Variants in RGS17 observed in about 807,000 individuals in gnomAD.
RGS17 encodes the protein regulator of G-protein signaling 17.
RGS17 carries 12 observed loss-of-function variants against 25.5 expected under a neutral mutation model. The ratio of observed to expected loss-of-function variants is 0.47; its 90% CI spans 0.30 to 0.76. The LOEUF (loss-of-function observed/expected upper bound fraction) is 0.76. RGS17 is among the 30% of genes least tolerant of loss of function. The pLI, the probability that RGS17 is intolerant of heterozygous loss-of-function variation, is 0.07. For synonymous variants in RGS17, 71 were observed against 76.9 expected (o/e 0.92, Z 0.40); for missense variants, 196 against 242.2 (o/e 0.81, Z 1.27).
intron 1 of RGS17, among the ~76,000 whole-genome samples, chr6:153,109,152 A>T (rs1264493012): frequency 1.3e-5 from 2 of 148,460 alleles, no homozygotes. Context: ...TGGTTTGAAA[A>T]ATCTGCAGCT....
chr6:153,068,748 A>C (rs1776743692), intron 1 of RGS17, among the ~76,000 whole-genome samples: 1 of 152,198 alleles, frequency 6.6e-6, no homozygotes, highest in Non-Finnish European at 1.5e-5. Flanking sequence ...GATCAAACAA[A>C]TTCATAGGAC....
In RGS17 at chr6:153,014,810, A is replaced by G. The variant is rs1171308173; in HGVS notation, c.445-3048T>C. Among the ~76,000 whole-genome samples the G allele has an allele frequency of 4.6e-5, 7 of 152,252 alleles. No individual in the cohort carries two copies. In the East Asian group the frequency reaches 5.8e-4, roughly 13 times the overall value. On this transcript the variant is annotated intron_variant, in intron 4 of 4. Transcript: ENST00000206262. ...GAGACTCCGTCTCAAAAAAAAAAAA[A>G]AAAGAAACCCATTTCATAAAGCTAT...
intron 1 of RGS17, among the ~76,000 whole-genome samples, chr6:153,071,150 A>C (rs1776797050): frequency 6.7e-6 from 1 of 150,206 alleles, no homozygotes. Flanking sequence ...ACATATGTGT[A>C]TATGTACATA....
chr6:153,078,473 G>C (rs1776919501), intron 1 of RGS17, among the ~76,000 whole-genome samples: 1 of 151,540 alleles, frequency 6.6e-6, no homozygotes, highest in Non-Finnish European at 1.5e-5. Flanking sequence ...TCAGAGTTTA[G>C]GTCTTGCACA....
intron 1 of RGS17, among the ~76,000 whole-genome samples, chr6:153,113,237 CA>C (rs571891938): frequency 4.7e-4 from 71 of 151,676 alleles, no homozygotes; most frequent in Non-Finnish European, 7.7e-4. Flanking sequence ...GAATATTTAC[CA>C]AGCAAAGGGA....
intron 1 of RGS17, among the ~76,000 whole-genome samples, chr6:153,078,214 C>T (rs1776915102): frequency 6.6e-6 from 1 of 152,108 alleles, no homozygotes; most frequent in Admixed American, 6.6e-5. Context: ...CTTTTGTAAG[C>T]CTCTCTACTT....
In RGS17 at chr6:153,110,425, T is replaced by TACACACACACACACACACAC. The variant is rs149969105; in HGVS notation, c.-26+20679_-26+20698dup. ...TTTGATGGACTCTTTACTGCCAACA[T>TACACACACACACACACACAC]ACACACACACACACACACACACACA... On this transcript the variant is annotated intron_variant, in intron 1 of 4. Coordinates refer to ENST00000206262, the MANE Select transcript of RGS17 (RefSeq NM_012419.5). 3.9e-3 allele frequency among the ~76,000 whole-genome samples: 559 copies of TACACACACACACACACACAC among 144,916 alleles called. 3 individuals are homozygous for TACACACACACACACACACAC. The highest frequency in any genetic ancestry group is 0.012 in the South Asian group (53 of 4,412).
chr6:153,009,648 G>T lies in RGS17; in HGVS notation c.*1926C>A, dbSNP rs951011780. On this transcript the variant is annotated 3_prime_UTR_variant, in exon 5 of 5. Transcript: ENST00000206262. ...AACACAGGCATTTGTTAAAAGAAATGATTATTATAAATATTTTCTATCTTG... is the reference window on the plus strand; with the variant it reads ...AACACAGGCATTTGTTAAAAGAAATTATTATTATAAATATTTTCTATCTTG... 9.2e-5 allele frequency: 14 copies of T among 151,770 alleles called. No individual in the cohort carries two copies. The highest frequency in any genetic ancestry group is 5.2e-4 in the Admixed American group (8 of 15,264). 9.4% of individuals were successfully genotyped at this position (151,770 alleles called of 1,614,324 possible).
In RGS17 at chr6:153,005,544, T is replaced by C. The variant is rs1256580013; in HGVS notation, c.*6030A>G. On this transcript the variant is annotated 3_prime_UTR_variant, in exon 5 of 5. Coordinates refer to ENST00000206262, the MANE Select transcript of RGS17 (RefSeq NM_012419.5). ...TCAACAGCTAAGAGTAGCCTAAAGT[T>C]TGAGAAACTGTCACAGCTAAGACGA... The C allele has an allele frequency of 6.6e-6, 1 of 152,114 alleles. No homozygotes were observed. The highest frequency in any genetic ancestry group is 6.5e-5 in the Admixed American group (1 of 15,270). The allele number at this position is 152,114 out of a possible 1,614,324, so 9.4% of individuals were successfully genotyped here. A position where few individuals can be genotyped will look rare whatever the true frequency, so the allele number is the denominator to read the frequency against.
intron 1 of RGS17, among the ~76,000 whole-genome samples, chr6:153,085,027 T>A (rs1777034213): frequency 6.6e-6 from 1 of 152,230 alleles, no homozygotes; most frequent in Non-Finnish European, 1.5e-5. Context: ...AGTTTCAGAA[T>A]GCTTTAAAAC....
chr6:153,115,191 C>G (rs1267812564), intron 1 of RGS17, among the ~76,000 whole-genome samples: 1 of 152,196 alleles, frequency 6.6e-6, no homozygotes, highest in Non-Finnish European at 1.5e-5. Flanking sequence ...CCCATCATTT[C>G]AGCCCAATAT....
At chr6:153,037,998 C>T (rs1776272670) in intron 2 of RGS17, among the ~76,000 whole-genome samples, 1 of 152,144 alleles carries the variant, frequency 6.6e-6, no homozygotes, top group Admixed American at 6.5e-5. Flanking sequence ...ATGAACAGCA[C>T]CAGTCTATTA....
intron 1 of RGS17, among the ~76,000 whole-genome samples, chr6:153,111,044 G>T (rs1304859034): frequency 6.8e-6 from 1 of 147,424 alleles, no homozygotes; most frequent in Non-Finnish European, 1.5e-5. Context: ...CTGCAGGAGT[G>T]TTTTTTTTTT....
intron 1 of RGS17, among the ~76,000 whole-genome samples, chr6:153,080,733 CTGTAAAAAGCATTGAATGCTGTAAAA>C (rs1776965902): frequency 6.6e-6 from 1 of 151,946 alleles, no homozygotes; most frequent in African/African-American, 2.4e-5. Flanking sequence ...GCATTGAATG[CTGTAAAAAGCATTGAATGCTGTAAAA>C]TGTCACCTAA....
chr6:153,029,417 C>G (rs554039768), intron 2 of RGS17, among the ~76,000 whole-genome samples: 36 of 152,214 alleles, frequency 2.4e-4, no homozygotes, highest in African/African-American at 8.7e-4. Context: ...AATGTCTGTC[C>G]TACCTGGTCC....
chr6:153,041,441 T>C (rs1248445548), intron 2 of RGS17, among the ~76,000 whole-genome samples: 2 of 152,228 alleles, frequency 1.3e-5, no homozygotes, highest in Non-Finnish European at 1.5e-5. Context: ...TTGTTCTCCA[T>C]CTATTGCCTG....
chr6:153,050,257 CT>C lies in RGS17; in HGVS notation c.-25-6215del, dbSNP rs1026758317. Among the ~76,000 whole-genome samples, 11 of 151,790 alleles carry C rather than the reference CT, an allele frequency of 7.2e-5. 1 individual carries two copies. The highest frequency in any genetic ancestry group is 2.1e-4 in the South Asian group (1 of 4,804). ...ATAAGATCAAGCTCAAAAGGAAAAG[CT>C]TTTTTTTATATAGTTTAATTTATTA... On this transcript the variant is annotated intron_variant, in intron 1 of 4. Coordinates refer to ENST00000206262, the MANE Select transcript of RGS17 (RefSeq NM_012419.5).
chr6:153,052,527 T>G (rs931506840), intron 1 of RGS17, among the ~76,000 whole-genome samples: 6 of 152,014 alleles, frequency 3.9e-5, no homozygotes, highest in Admixed American at 3.3e-4. Context: ...CGCAATTACT[T>G]TTGCACCAAC....
chr6:153,097,753 G>A (rs1403997100), intron 1 of RGS17, among the ~76,000 whole-genome samples: 2 of 152,126 alleles, frequency 1.3e-5, no homozygotes, highest in African/African-American at 4.8e-5. Flanking sequence ...ATTAGAAAGA[G>A]GAGGAAGGTT....
Sources: allele counts gnomAD v4.1 joint callset (sites outside exome capture counted in the v4.1 genomes callset), GRCh38; gene constraint gnomAD v4.1.1; transcripts MANE v1.5; gene names NCBI Gene and HGNC (gene_info 2026-07-23, HGNC 2026-07-21).